Variants in TAFA1 observed in about 807,000 individuals in gnomAD.
The protein encoded by TAFA1 is chemokine-like protein TAFA-1.
A neutral mutation model predicts 18.5 loss-of-function variants in TAFA1; 4 were observed. That is an observed-to-expected ratio of 0.22 (90% CI 0.11 to 0.49). The LOEUF (loss-of-function observed/expected upper bound fraction) is 0.49, where lower values mean the gene tolerates loss of function less well. Ranked by LOEUF, TAFA1 falls within the 20% of genes least tolerant of loss-of-function variation. The probability of loss-of-function intolerance (pLI) is 0.98; values close to 1 mark genes in which losing one functional copy is unlikely to be tolerated. For missense variants in TAFA1, 147 were observed against 169.0 expected, an observed-to-expected ratio of 0.87 and a Z score of 0.72; for synonymous variants, 56 against 55.2, an observed-to-expected ratio of 1.01 and a Z score of -0.06.
chr3:68,257,560 T>C (rs2067323474), intron 2 of TAFA1, among the ~76,000 whole-genome samples: 1 of 152,146 alleles, frequency 6.6e-6, no homozygotes, highest in Non-Finnish European at 1.5e-5. Flanking sequence ...AGCACTGGGC[T>C]AAGTGCATAA....
At chr3:68,335,058 A>G (rs917160898) in intron 2 of TAFA1, among the ~76,000 whole-genome samples, 5 of 152,216 alleles carry the variant, frequency 3.3e-5, no homozygotes, top group African/African-American at 1.2e-4. Context: ...TTGTGCATGG[A>G]GTTTTATCAT....
At chr3:68,416,002 G>C (rs995402687) in intron 2 of TAFA1, among the ~76,000 whole-genome samples, 8 of 152,136 alleles carry the variant, frequency 5.3e-5, no homozygotes, top group African/African-American at 1.7e-4. Context: ...TCTATGGGAG[G>C]CCATCCTGGG....
intron 2 of TAFA1, among the ~76,000 whole-genome samples, chr3:68,372,691 T>C (rs1331136242): frequency 6.6e-6 from 1 of 151,934 alleles, no homozygotes; most frequent in African/African-American, 2.4e-5. Context: ...AAACACAATT[T>C]GGGAAATAAA....
chr3:68,247,814 G>A (rs547542929), intron 2 of TAFA1: 2 of 149,294 alleles, frequency 1.3e-5, no homozygotes, highest in Admixed American at 6.6e-5. Flanking sequence ...TGGTGAGTAT[G>A]TTGAGCTCTG....
intron 3 of TAFA1, among the ~76,000 whole-genome samples, chr3:68,462,470 T>C (rs1366698159): frequency 6.6e-6 from 1 of 152,156 alleles, no homozygotes; most frequent in African/African-American, 2.4e-5. Context: ...TTCACCATGA[T>C]CATGAGGCCT....
rs1306501861 is a variant in TAFA1, at chr3:68,346,083, C to T, written c.119-71197C>T. Among the ~76,000 whole-genome samples the T allele has an allele frequency of 2.0e-5, 3 of 152,154 alleles. No individual in the cohort carries two copies. The East Asian group carries it at 5.8e-4, about 29-fold the overall frequency. ...GGATCAGATTTGTCTAATTGAGAAG[C>T]CAAAATATTTAGAAGTACTAGAGGG... On this transcript the variant is annotated intron_variant, in intron 2 of 4. Transcript: ENST00000478136.
intron 2 of TAFA1, among the ~76,000 whole-genome samples, chr3:68,013,302 C>A (rs1018120455): frequency 1.3e-5 from 2 of 151,910 alleles, no homozygotes; most frequent in East Asian, 1.9e-4. Context: ...TTTATAATTT[C>A]GAGATTTCTC....
At chr3:68,416,294 C>G (rs1412527180) in intron 2 of TAFA1, among the ~76,000 whole-genome samples, 3 of 152,124 alleles carry the variant, frequency 2.0e-5, no homozygotes, top group African/African-American at 7.2e-5. Flanking sequence ...TATGTATCCT[C>G]TATGTACAGG....
intron 2 of TAFA1, among the ~76,000 whole-genome samples, chr3:68,217,601 G>A (rs935918688): frequency 6.6e-6 from 1 of 151,956 alleles, no homozygotes; most frequent in African/African-American, 2.4e-5. Flanking sequence ...ATCATTAATT[G>A]TAAGAAGTGT....
At chr3:68,411,093 GA>G (rs1049546321) in intron 2 of TAFA1, among the ~76,000 whole-genome samples, 1 of 152,144 alleles carries the variant, frequency 6.6e-6, no homozygotes, top group Admixed American at 6.5e-5. Flanking sequence ...AGCTGATGGG[GA>G]CAATAGATAA....
intron 2 of TAFA1, among the ~76,000 whole-genome samples, chr3:68,029,001 C>A (rs1005098395): frequency 6.6e-6 from 1 of 151,980 alleles, no homozygotes; most frequent in African/African-American, 2.4e-5. Flanking sequence ...TATCCACTTA[C>A]CTTGGTTTCT....
At chr3:68,063,325 C>A (rs2064630187) in intron 2 of TAFA1, among the ~76,000 whole-genome samples, 1 of 152,110 alleles carries the variant, frequency 6.6e-6, no homozygotes, top group African/African-American at 2.4e-5. Flanking sequence ...AACGGTGGGT[C>A]TCATCTTAGA....
intron 3 of TAFA1, among the ~76,000 whole-genome samples, chr3:68,533,267 A>G (rs1264340976): frequency 6.6e-6 from 1 of 152,154 alleles, no homozygotes; most frequent in African/African-American, 2.4e-5. Context: ...TCATGGCAGA[A>G]GGTGAAAAGC....
intron 2 of TAFA1, among the ~76,000 whole-genome samples, chr3:68,255,450 C>A (rs2067279157): frequency 1.3e-5 from 2 of 151,946 alleles, no homozygotes; most frequent in East Asian, 1.9e-4. Flanking sequence ...GAATTGAGAA[C>A]TTTTTTTAAG....
At chr3:68,336,220 G>T (rs6801229) in intron 2 of TAFA1, among the ~76,000 whole-genome samples, 6,186 of 152,288 alleles carry the variant, frequency 0.041, 267 homozygotes, top group East Asian at 0.26. Flanking sequence ...TCCTCTCATT[G>T]CATGCATTCC....
At chr3:68,418,811 A>G (rs1389549690) in intron 3 of TAFA1, among the ~76,000 whole-genome samples, 2 of 152,196 alleles carry the variant, frequency 1.3e-5, no homozygotes, top group African/African-American at 4.8e-5. Flanking sequence ...GCATTATTTT[A>G]TTTAATCCTC....
At chr3:68,340,646 A>T (rs2069064800) in intron 2 of TAFA1, among the ~76,000 whole-genome samples, 2 of 152,134 alleles carry the variant, frequency 1.3e-5, no homozygotes, top group South Asian at 4.1e-4. Flanking sequence ...TGAACAGGAA[A>T]GCTCAATCAT....
chr3:68,474,251 T>C, intron 3 of TAFA1, among the ~76,000 whole-genome samples: 1 of 152,208 alleles, frequency 6.6e-6, no homozygotes, highest in East Asian at 1.9e-4. Context: ...TAAGTCTGTA[T>C]GTTTCCAGAG....
At chr3:68,291,622 C>T (rs915590029) in intron 2 of TAFA1, among the ~76,000 whole-genome samples, 5 of 149,644 alleles carry the variant, frequency 3.3e-5, no homozygotes, top group African/African-American at 4.9e-5. Flanking sequence ...AAAAAGGGAG[C>T]GAAGGCCAAA....
Sources: allele counts gnomAD v4.1 joint callset (sites outside exome capture counted in the v4.1 genomes callset), GRCh38; gene constraint gnomAD v4.1.1; transcripts MANE v1.5; gene names NCBI Gene and HGNC (gene_info 2026-07-23, HGNC 2026-07-21).